The following LMCD1 variants were observed in gnomAD, a reference collection of about 807,000 sequenced individuals.
The protein encoded by LMCD1 is LIM and cysteine-rich domains protein 1.
A neutral mutation model predicts 42.7 loss-of-function variants in LMCD1; 32 were observed. The observed-to-expected ratio is 0.75, with a 90% CI of 0.57 to 1.01. LMCD1 has a LOEUF of 1.01. Among genes scored for constraint, LMCD1 ranks in the 50% least tolerant of loss-of-function variants. The pLI is 0.00. For missense variants in LMCD1, 458 were observed against 483.1 expected, an observed-to-expected ratio of 0.95 and a Z score of 0.49; for synonymous variants, 178 against 184.9, an observed-to-expected ratio of 0.96 and a Z score of 0.30.
rs1695240671 is a variant in LMCD1, at chr3:8,572,870, T to G, written c.*5272T>G. 6.6e-6 allele frequency: 1 copy of G among 152,196 alleles called. No individual in the cohort carries two copies. The highest frequency in any genetic ancestry group is 6.5e-5 in the Admixed American group (1 of 15,278). The allele number at this position is 152,196 out of a possible 1,614,324, so 9.4% of individuals were successfully genotyped here. A position where few individuals can be genotyped will look rare whatever the true frequency, so the allele number is the denominator to read the frequency against. On this transcript the variant is annotated 3_prime_UTR_variant, in exon 6 of 6. Transcript: ENST00000157600. ...GCCCCATCTTTGAAATCAGCCATTCTCAAGGGGTTCCTTCTTAATCTGGCT... is the reference window on the plus strand; with the variant it reads ...GCCCCATCTTTGAAATCAGCCATTCGCAAGGGGTTCCTTCTTAATCTGGCT...
intron 1 of LMCD1, among the ~76,000 whole-genome samples, chr3:8,514,068 A>G (rs759146786): frequency 1.3e-5 from 2 of 152,072 alleles, no homozygotes; most frequent in Non-Finnish European, 2.9e-5. Flanking sequence ...GTGTGTGTAT[A>G]TATATTTGTG....
At chr3:8,528,762 T>C (rs191006606) in intron 1 of LMCD1, among the ~76,000 whole-genome samples, 12 of 151,620 alleles carry the variant, frequency 7.9e-5, no homozygotes, top group Admixed American at 3.9e-4. Context: ...CTTGGTGACA[T>C]TTTTTTTCCC....
intron 1 of LMCD1, among the ~76,000 whole-genome samples, chr3:8,525,244 ATGAGT>A (rs1445410394): frequency 6.6e-6 from 1 of 152,102 alleles, no homozygotes; most frequent in Non-Finnish European, 1.5e-5. Flanking sequence ...CTGTGTTTCT[ATGAGT>A]TTGACTATTT....
intron 1 of LMCD1, among the ~76,000 whole-genome samples, chr3:8,507,239 GA>G (rs1418231245): frequency 6.6e-6 from 1 of 152,206 alleles, no homozygotes; most frequent in Non-Finnish European, 1.5e-5. Flanking sequence ...AAAAGCTCTA[GA>G]AAATGCTCTC....
At position 8,572,530 on chromosome 3, in the gene LMCD1, C is replaced by T. The variant is rs146719075; in HGVS notation, c.*4932C>T. ...GAACTAATTATTATTATGATAGTTG[C>T]CAAATGTTGGTTTTTCTAATTCAAT... On this transcript the variant is annotated 3_prime_UTR_variant, in exon 6 of 6. Coordinates refer to ENST00000157600, the MANE Select transcript of LMCD1 (RefSeq NM_014583.4). 1.3e-5 allele frequency: 2 copies of T among 152,214 alleles called. No individual in the cohort carries two copies. The highest frequency in any genetic ancestry group is 3.4e-3 in the Middle Eastern group (1 of 294). 9.4% of individuals were successfully genotyped at this position (152,214 alleles called of 1,614,324 possible). A position where few individuals can be genotyped will look rare whatever the true frequency, so the allele number is the denominator to read the frequency against.
chr3:8,534,255 C>G (rs1227765109), intron 2 of LMCD1, among the ~76,000 whole-genome samples: 2 of 151,890 alleles, frequency 1.3e-5, no homozygotes, highest in East Asian at 1.9e-4. Context: ...GGACCTCAAT[C>G]CTGTGCTCCC....
At chr3:8,502,915 A>G (rs1693793490) in intron 1 of LMCD1, among the ~76,000 whole-genome samples, 1 of 152,096 alleles carries the variant, frequency 6.6e-6, no homozygotes, top group Non-Finnish European at 1.5e-5. Context: ...GGTCACAGAG[A>G]GTTGGTTCTA....
chr3:8,540,823 C>T (rs578203640), intron 3 of LMCD1, among the ~76,000 whole-genome samples: 17 of 152,186 alleles, frequency 1.1e-4, no homozygotes, highest in Non-Finnish European at 1.9e-4. Flanking sequence ...GCTCATTTTA[C>T]AGAGGAGCAG....
intron 1 of LMCD1, among the ~76,000 whole-genome samples, chr3:8,515,397 A>G (rs1268968341): frequency 1.3e-5 from 2 of 152,118 alleles, no homozygotes; most frequent in African/African-American, 2.4e-5. Context: ...TAAAACCATC[A>G]GTTCTGACTA....
chr3:8,539,454 A>C (rs1694576429), intron 3 of LMCD1, among the ~76,000 whole-genome samples: 1 of 152,172 alleles, frequency 6.6e-6, no homozygotes, highest in South Asian at 2.1e-4. Context: ...GCCACAGAAC[A>C]ACAGCAGAGC....
chr3:8,558,906 C>T (rs1694975114), intron 4 of LMCD1, among the ~76,000 whole-genome samples: 1 of 152,086 alleles, frequency 6.6e-6, no homozygotes. Flanking sequence ...ATTCTTGTGC[C>T]CCACCCCAGA....
intron 4 of LMCD1, among the ~76,000 whole-genome samples, chr3:8,561,002 G>A (rs1261743939): frequency 6.6e-6 from 1 of 152,130 alleles, no homozygotes; most frequent in Non-Finnish European, 1.5e-5. Flanking sequence ...TTGTTATTCA[G>A]TGTTCTTTTC....
At chr3:8,507,889 T>G (rs897384340) in intron 1 of LMCD1, among the ~76,000 whole-genome samples, 2 of 152,178 alleles carry the variant, frequency 1.3e-5, no homozygotes, top group African/African-American at 4.8e-5. Flanking sequence ...TACTGTGACT[T>G]TCATACACAG....
chr3:8,545,937 G>A (rs780675623), intron 3 of LMCD1, among the ~76,000 whole-genome samples: 1 of 152,130 alleles, frequency 6.6e-6, no homozygotes, highest in Non-Finnish European at 1.5e-5. Context: ...AGACCAACCT[G>A]CCAACATGGC....
intron 1 of LMCD1, among the ~76,000 whole-genome samples, chr3:8,505,398 C>T (rs1002513355): frequency 2.6e-5 from 4 of 152,142 alleles, no homozygotes; most frequent in African/African-American, 9.7e-5. Flanking sequence ...AATGTTAGGC[C>T]TCGAAGGGGA....
intron 1 of LMCD1, among the ~76,000 whole-genome samples, chr3:8,531,620 T>G (rs1352488900): frequency 6.6e-6 from 1 of 152,174 alleles, no homozygotes; most frequent in Non-Finnish European, 1.5e-5. Flanking sequence ...CGTGCCTCTT[T>G]TACTACACAA....
intron 4 of LMCD1, among the ~76,000 whole-genome samples, chr3:8,554,581 G>T (rs1026991322): frequency 6.6e-6 from 1 of 152,078 alleles, no homozygotes; most frequent in Non-Finnish European, 1.5e-5. Context: ...GATCTCCGTG[G>T]CCAGGGAGCT....
intron 1 of LMCD1, among the ~76,000 whole-genome samples, chr3:8,529,904 G>A (rs1694379164): frequency 6.6e-6 from 1 of 152,164 alleles, no homozygotes; most frequent in African/African-American, 2.4e-5. Context: ...TTTTCAGGCA[G>A]CATCCCGTTT....
chr3:8,544,907 G>T (rs538922765), intron 3 of LMCD1, among the ~76,000 whole-genome samples: 1 of 152,108 alleles, frequency 6.6e-6, no homozygotes, highest in Non-Finnish European at 1.5e-5. Context: ...TGCCTCTCAC[G>T]GTTTCTCAGG....
Sources: allele counts gnomAD v4.1 joint callset (sites outside exome capture counted in the v4.1 genomes callset), GRCh38; gene constraint gnomAD v4.1.1; transcripts MANE v1.5; gene names NCBI Gene and HGNC (gene_info 2026-07-23, HGNC 2026-07-21).